Variants in DAO observed in about 807,000 individuals in gnomAD.
The protein encoded by DAO is D-amino-acid oxidase.
A neutral mutation model predicts 50.1 loss-of-function variants in DAO; 51 were observed. That is an observed-to-expected ratio of 1.02 (90% CI 0.81 to 1.29). The LOEUF (loss-of-function observed/expected upper bound fraction) is 1.29, where lower values mean the gene tolerates loss of function less well. DAO is among the 50% of genes most tolerant of loss of function. The pLI is 0.00. For synonymous variants in DAO, 160 were observed against 166.2 expected (o/e 0.96, Z 0.29); for missense variants, 436 against 439.4 (o/e 0.99, Z 0.07).
intron 7 of DAO, among the ~76,000 whole-genome samples, chr12:108,895,251 A>ATG (rs747303592): frequency 3.3e-5 from 5 of 151,410 alleles, no homozygotes; most frequent in Non-Finnish European, 5.9e-5. Flanking sequence ...ATATGAGGGT[A>ATG]TGTGTGTGTG....
Position 108,889,544 on chromosome 12 carries a change from G to C in DAO, c.385G>C (p.Gly129Arg). The stretch of plus-strand genomic sequence containing the variant: ...AGAGCTGGATATGTTCCCAGATTAC[G>C]GGTGAGTTTATTGTCACAGGCAAAG... The part of the protein sequence containing the change: ...PRELDMFPDY[G>R]YGWFHTSLIL... The change falls in exon 4 of 11, where the codon GGC becomes CGC. Residue 129 changes from glycine to arginine, a missense_variant and splice_region_variant. By Grantham distance (125) the Gly-to-Arg change is moderately radical. Coordinates refer to ENST00000228476, the MANE Select transcript of DAO (RefSeq NM_001917.5). 2 of 1,611,472 alleles carry C rather than the reference G, an allele frequency of 1.2e-6. No individual in the cohort carries two copies. The highest frequency in any genetic ancestry group is 1.7e-6 in the Non-Finnish European group (2 of 1,178,222).
In DAO at chr12:108,900,635, C is replaced by T. The variant is rs181901502; in HGVS notation, c.*100C>T. On this transcript the variant is annotated 3_prime_UTR_variant, in exon 11 of 11. Transcript: ENST00000228476. ...ATAAGCCATTGCTTCTCCCTCACTTCTTTCCTCAAAGAAGCATGAGGTGAG... is the reference window on the plus strand; with the variant it reads ...ATAAGCCATTGCTTCTCCCTCACTTTTTTCCTCAAAGAAGCATGAGGTGAG... 1.0e-4 allele frequency: 160 copies of T among 1,527,356 alleles called. 1 individual carries two copies. The Admixed American group carries it at 2.5e-3, about 24-fold the overall frequency. 94.6% of individuals were successfully genotyped at this position (1,527,356 alleles called of 1,614,324 possible). A position where few individuals can be genotyped will look rare whatever the true frequency, so the allele number is the denominator to read the frequency against.
chr12:108,886,372 T>G (rs1176271011), intron 2 of DAO, among the ~76,000 whole-genome samples: 1 of 152,178 alleles, frequency 6.6e-6, no homozygotes, highest in African/African-American at 2.4e-5. Context: ...GGTGGATGGA[T>G]GCACAGATTT....
At chr12:108,898,415 A>C in intron 8 of DAO, 2 of 467,034 alleles carry the variant, frequency 4.3e-6, no homozygotes, top group Non-Finnish European at 8.0e-6. Context: ...TGGCAATGTT[A>C]GTGGTGGTGG....
intron 7 of DAO, among the ~76,000 whole-genome samples, chr12:108,895,579 A>C: frequency 7.8e-6 from 1 of 128,036 alleles, no homozygotes; most frequent in Non-Finnish European, 1.6e-5. Context: ...TGCGCATGTG[A>C]GAGTGTATGT....
rs535612125 is a variant in DAO, at chr12:108,885,182, C to A, written c.176C>A (p.Pro59His). The change falls in exon 2 of 11, where the codon CCC (proline) becomes CAC (histidine). Residue 59 changes from proline to histidine, a missense_variant. Pro to His is a moderately conservative substitution (Grantham distance 77, BLOSUM62 -2). Coordinates refer to ENST00000228476, the MANE Select transcript of DAO (RefSeq NM_001917.5). ...AGLWQPYLSD[P>H]NNPQEADWSQ... is the part of the protein sequence containing the mutation. The stretch of plus-strand genomic sequence containing the variant: ...CTCTGGCAGCCCTACCTTTCTGACC[C>A]CAACAACCCACAGGAGGCGTGAGTG... 77 of 1,613,292 alleles carry A rather than the reference C, an allele frequency of 4.8e-5. 1 individual carries two copies. In the South Asian group the frequency reaches 8.3e-4, roughly 17 times the overall value.
intron 7 of DAO, among the ~76,000 whole-genome samples, chr12:108,896,419 C>CA (rs386377704): frequency 0.093 from 5,334 of 57,540 alleles, 562 homozygotes; most frequent in African/African-American, 0.21. Context: ...GAGGCTGTCT[C>CA]AAAAAAAAAA....
intron 10 of DAO, chr12:108,900,019 C>T (rs981141923): frequency 9.4e-6 from 3 of 320,414 alleles, no homozygotes; most frequent in East Asian, 1.6e-4. Context: ...AAGTCCATTA[C>T]ATGAATGACC....
chr12:108,886,379 A>T (rs753720621), intron 2 of DAO, among the ~76,000 whole-genome samples: 6 of 152,184 alleles, frequency 3.9e-5, no homozygotes, highest in Non-Finnish European at 8.8e-5. Context: ...GGATGCACAG[A>T]TTTATCAAAT....
intron 7 of DAO, among the ~76,000 whole-genome samples, chr12:108,895,613 TGA>T (rs765739032): frequency 1.1e-4 from 16 of 146,396 alleles, no homozygotes; most frequent in South Asian, 8.7e-4. Flanking sequence ...TGTGTGTGTG[TGA>T]GAGTATGTAT....
chr12:108,889,158 T>C (rs1325704948), intron 3 of DAO, among the ~76,000 whole-genome samples: 4 of 151,586 alleles, frequency 2.6e-5, no homozygotes, highest in Non-Finnish European at 4.4e-5. Context: ...CAGGCTGGAG[T>C]GCAGCGGCAC....
intron 4 of DAO, among the ~76,000 whole-genome samples, chr12:108,889,801 A>T (rs1004590826): frequency 1.3e-5 from 2 of 152,140 alleles, no homozygotes; most frequent in African/African-American, 4.8e-5. Flanking sequence ...GTAGATGAAG[A>T]TACTGAGTTT....
Position 108,898,687 on chromosome 12 carries a change from C to T in DAO, c.704C>T (p.Thr235Ile), listed in dbSNP as rs531892910. 41 of 1,608,592 alleles carry T rather than the reference C, an allele frequency of 2.5e-5. No individual in the cohort carries two copies. In the South Asian group the frequency reaches 3.8e-4, roughly 15 times the overall value. ...TCCTCATTTGTATCTAGGACCCAGA[C>T]AGTTACTCTTGGAGGCATCTTCCAG... The part of the protein sequence containing the change: ...NSPYIIPGTQ[T>I]VTLGGIFQLG... The change falls in exon 9 of 11, where the codon ACA becomes ATA. Residue 235 changes from threonine to isoleucine, a missense_variant. Coordinates refer to ENST00000228476, the MANE Select transcript of DAO (RefSeq NM_001917.5).
chr12:108,882,195 G>C (rs73410949), intron 1 of DAO, among the ~76,000 whole-genome samples: 6,480 of 152,266 alleles, frequency 0.043, 171 homozygotes, highest in Middle Eastern at 0.14. Context: ...AATAAGGCAA[G>C]GAGCTTTGTC....
At chr12:108,898,591 C>T (rs1399696840) in intron 8 of DAO, 88 bp from the exon 9 acceptor site, 4 of 883,608 alleles carry the variant, frequency 4.5e-6, no homozygotes, top group South Asian at 1.3e-5. Context: ...GTGGTGTTAG[C>T]AGAGGTGACA....
chr12:108,883,697 G>T (rs1215840234), intron 1 of DAO: 1 of 454,186 alleles, frequency 2.2e-6, no homozygotes, highest in Non-Finnish European at 4.4e-6. Context: ...AAGACCAAGG[G>T]TCCCTGAGAG....
chr12:108,893,078 A>T (rs777794406), intron 6 of DAO, 42 bp downstream of exon 6: 1 of 1,585,294 alleles, frequency 6.3e-7, no homozygotes, highest in Non-Finnish European at 8.6e-7. Flanking sequence ...CAGGGAGAAG[A>T]GGGGAGGCCT....
At chr12:108,887,594 T>C (rs2039449271) in intron 3 of DAO, 30 bp downstream of exon 3, 1 of 1,527,124 alleles carries the variant, frequency 6.5e-7, no homozygotes, top group African/African-American at 1.4e-5. Context: ...CCATGAGGGA[T>C]GAGCACCCAG....
chr12:108,887,079 C>T (rs1403746823), intron 2 of DAO, among the ~76,000 whole-genome samples: 3 of 152,136 alleles, frequency 2.0e-5, no homozygotes, highest in African/African-American at 7.2e-5. Context: ...TCGATGTCTG[C>T]CACCAGTGTT....
Sources: allele counts gnomAD v4.1 joint callset (sites outside exome capture counted in the v4.1 genomes callset), GRCh38; gene constraint gnomAD v4.1.1; transcripts MANE v1.5; gene names NCBI Gene and HGNC (gene_info 2026-07-23, HGNC 2026-07-21).